BTD: variants seen among roughly 807,000 people sequenced by gnomAD.
The protein encoded by BTD is biotinidase, also known as biocytinase.
In BTD, 13 loss-of-function variants were observed where a neutral mutation model predicts 17.7. The observed-to-expected ratio is 0.74, with a 90% CI of 0.48 to 1.17. The LOEUF (loss-of-function observed/expected upper bound fraction) is 1.17, where lower values mean the gene tolerates loss of function less well. BTD is among the 50% of genes most tolerant of loss of function. BTD has a pLI of 0.00. For synonymous variants in BTD, 240 were observed against 245.2 expected (o/e 0.98, Z 0.20); for missense variants, 674 against 650.4 (o/e 1.04, Z -0.39).
intron 3 of BTD, chr3:15,686,353 T>G (rs2068128985): frequency 7.0e-7 from 1 of 1,421,380 alleles, no homozygotes; most frequent in Non-Finnish European, 9.7e-7. Context: ...CATATAATGA[T>G]AAAATAGAAA....
chr3:15,715,543 A>G (rs1405986207), downstream of BTD, among the ~76,000 whole-genome samples: 1 of 152,218 alleles, frequency 6.6e-6, no homozygotes, highest in Non-Finnish European at 1.5e-5. Context: ...GTAATTTTAC[A>G]GAAGTTCTAA....
chr3:15,709,407 G>T (rs1192175518), intron 3 of BTD, among the ~76,000 whole-genome samples: 1 of 152,078 alleles, frequency 6.6e-6, no homozygotes, highest in African/African-American at 2.4e-5. Context: ...TTTTTGGAGG[G>T]GGGGAAGTGA....
At chr3:15,624,733 G>A (rs1021032510) in intron 1 of BTD, among the ~76,000 whole-genome samples, 1 of 151,892 alleles carries the variant, frequency 6.6e-6, no homozygotes, top group Non-Finnish European at 1.5e-5. Context: ...TCTTCTGGGA[G>A]GTTTTTTGAG....
At chr3:15,690,003 A>G (rs1395279365) in intron 3 of BTD, 4 of 1,585,732 alleles carry the variant, frequency 2.5e-6, no homozygotes, top group Non-Finnish European at 3.4e-6. Context: ...TAAATCAAGC[A>G]TAATATCTGG....
At chr3:15,699,135 TGGG>T (rs2070153622) in intron 3 of BTD, among the ~76,000 whole-genome samples, 1 of 152,108 alleles carries the variant, frequency 6.6e-6, no homozygotes, top group Admixed American at 6.5e-5. Flanking sequence ...AAACTAGCAA[TGGG>T]GAAAGGATTT....
At chr3:15,677,502 G>A (rs1292148688) in intron 3 of BTD, 13 of 1,612,328 alleles carry the variant, frequency 8.1e-6, no homozygotes, top group Non-Finnish European at 1.1e-5. Context: ...CAAATGGAGG[G>A]CAGTATTTTT....
intron 3 of BTD, among the ~76,000 whole-genome samples, chr3:15,673,675 C>G (rs932554221): frequency 2.1e-4 from 32 of 152,076 alleles, no homozygotes; most frequent in African/African-American, 7.2e-4. Flanking sequence ...GAAGATGAAA[C>G]TGGAGCTAAG....
intron 3 of BTD, chr3:15,709,644 TA>T: frequency 6.6e-7 from 1 of 1,513,984 alleles, no homozygotes; most frequent in Non-Finnish European, 8.9e-7. Context: ...ATAGGCTCCA[TA>T]AAGAAACTGT....
At chr3:15,619,627 C>T (rs2064892716) in intron 1 of BTD, among the ~76,000 whole-genome samples, 1 of 152,168 alleles carries the variant, frequency 6.6e-6, no homozygotes, top group African/African-American at 2.4e-5. Flanking sequence ...ATGACTTTTG[C>T]ACCAACCTAA....
rs2065767461 is a variant in BTD at position 15,649,531 on chromosome 3, G to C, written c.*4043G>C. 6.6e-6 allele frequency among the ~76,000 whole-genome samples: 1 copy of C among 152,190 alleles called. No individual in the cohort carries two copies. Among genetic ancestry groups the C allele is most frequent in the Admixed American group, 6.5e-5 (1 of 15,272 alleles). ...AACAGTTGCTGTTCCTCAGGCCAAA[G>C]TTCACATTCTGCACAGCCTCAGCTC... is the stretch of plus-strand genomic sequence containing the variant. On this transcript the variant is annotated 3_prime_UTR_variant, in exon 4 of 4. Transcript: ENST00000643237.
chr3:15,642,026 G>C lies in BTD; in HGVS notation c.368G>C (p.Cys123Ser). 1 of 1,614,160 alleles carries C rather than the reference G, an allele frequency of 6.2e-7. No homozygotes were observed. The highest frequency in any genetic ancestry group is 1.1e-5 in the South Asian group (1 of 91,078). The change falls in exon 3 of 4, where the codon TGC becomes TCC. Residue 123 changes from cysteine to serine, a missense_variant. Physicochemically the swap from Cys to Ser is moderately radical, Grantham distance 112. Transcript: ENST00000643237. ...PSPQVVRWNP[C>S]LEPHRFNDTE... ...CCCCAGGTGGTCAGGTGGAACCCAT[G>C]CCTGGAGCCTCACCGCTTCAATGAC...
At chr3:15,685,364 T>C (rs2125759312) in intron 3 of BTD, 1 of 1,614,016 alleles carries the variant, frequency 6.2e-7, no homozygotes, top group Middle Eastern at 1.6e-4. Context: ...TGTATAGGCG[T>C]CCGGCCCCTG....
At chr3:15,656,934 G>A (rs2065876656), downstream of BTD, among the ~76,000 whole-genome samples, 1 of 152,196 alleles carries the variant, frequency 6.6e-6, no homozygotes, top group Non-Finnish European at 1.5e-5. Context: ...GAAGGACTCA[G>A]TTATGCAGCC....
intron 3 of BTD, among the ~76,000 whole-genome samples, chr3:15,673,596 G>A (rs754906548): frequency 2.6e-5 from 4 of 151,960 alleles, no homozygotes; most frequent in Non-Finnish European, 4.4e-5. Flanking sequence ...GGTTAACAAG[G>A]ACTGAGAATG....
At chr3:15,631,643 T>A in intron 1 of BTD, 1 of 704,324 alleles carries the variant, frequency 1.4e-6, no homozygotes, top group Non-Finnish European at 2.3e-6. Context: ...GGGGAATGTT[T>A]TCCTTATGAA....
chr3:15,616,996 C>T (rs1028834377), intron 1 of BTD, among the ~76,000 whole-genome samples: 4 of 152,122 alleles, frequency 2.6e-5, no homozygotes, highest in Non-Finnish European at 5.9e-5. Flanking sequence ...CCACACCCAG[C>T]TAATTTTTTG....
chr3:15,694,136 T>C (rs2069191227), intron 3 of BTD, among the ~76,000 whole-genome samples: 1 of 152,130 alleles, frequency 6.6e-6, no homozygotes, highest in Non-Finnish European at 1.5e-5. Flanking sequence ...CTACTTGAAA[T>C]TTAAGGTAAT....
At chr3:15,631,689 C>G (rs1042243753) in intron 1 of BTD, among the ~76,000 whole-genome samples, 3 of 152,162 alleles carry the variant, frequency 2.0e-5, no homozygotes, top group Non-Finnish European at 4.4e-5. Context: ...CGTCCAAGAT[C>G]AGGATGCTTA....
At chr3:15,688,689 G>A (rs148781502) in intron 3 of BTD, among the ~76,000 whole-genome samples, 24 of 152,308 alleles carry the variant, frequency 1.6e-4, no homozygotes, top group Non-Finnish European at 2.1e-4. Context: ...ATATTCAAAT[G>A]TATTCTTAAG....
Sources: gnomAD v4.1 joint callset for allele counts (sites outside exome capture counted in the v4.1 genomes callset) on GRCh38, gnomAD v4.1.1 for gene constraint, MANE v1.5 for transcripts, NCBI Gene and HGNC (gene_info 2026-07-23, HGNC 2026-07-21) for gene names.